The following AQR variants were observed in gnomAD, a reference collection of about 807,000 sequenced individuals.
The protein encoded by AQR is RNA helicase aquarius.
A neutral mutation model predicts 180.5 loss-of-function variants in AQR; 61 were observed. The ratio of observed to expected loss-of-function variants is 0.34; its 90% CI spans 0.28 to 0.42. AQR has a LOEUF of 0.42. Among genes scored for constraint, AQR ranks in the 10% least tolerant of loss-of-function variants. The pLI is 1.00. For missense variants in AQR, 1,281 were observed against 1,798.3 expected (o/e 0.71, Z 5.20); for synonymous variants, 551 against 588.8 (o/e 0.94, Z 0.93).
intron 33 of AQR, among the ~76,000 whole-genome samples, chr15:34,862,136 G>A (rs986202806): frequency 6.6e-6 from 1 of 152,118 alleles, no homozygotes; most frequent in South Asian, 2.1e-4. Flanking sequence ...GGAGATAAGA[G>A]GGAGTAGTAT....
intron 23 of AQR, among the ~76,000 whole-genome samples, chr15:34,891,142 A>C (rs917047149): frequency 6.6e-6 from 1 of 152,122 alleles, no homozygotes; most frequent in Non-Finnish European, 1.5e-5. Flanking sequence ...AAATTCTAGC[A>C]ATCTGAGCTC....
intron 22 of AQR, among the ~76,000 whole-genome samples, chr15:34,894,375 C>G (rs1235006169): frequency 6.6e-6 from 1 of 152,074 alleles, no homozygotes. Context: ...AAAGGAAGAA[C>G]TATCAACCCA....
At chr15:34,918,485 C>T (rs1893630954) in intron 14 of AQR, 107 bp from the exon 15 acceptor site, 1 of 1,327,708 alleles carries the variant, frequency 7.5e-7, no homozygotes, top group Admixed American at 2.5e-5. Flanking sequence ...AGCAGTTCAA[C>T]AAGCGATTTT....
intron 10 of AQR, among the ~76,000 whole-genome samples, chr15:34,933,618 T>C (rs16960096): frequency 0.12 from 18,884 of 152,176 alleles, 1,414 homozygotes; most frequent in East Asian, 0.3. Context: ...TGAGGGGTAT[T>C]AAAGTATGAC....
At chr15:34,887,830 C>T (rs1893085472) in intron 24 of AQR, among the ~76,000 whole-genome samples, 1 of 152,124 alleles carries the variant, frequency 6.6e-6, no homozygotes, top group Admixed American at 6.5e-5. Context: ...ATGATCTATG[C>T]TTGAAGAATT....
At position 34,874,659 on chromosome 15, in the gene AQR, T is replaced by C. The variant is rs1331366227; in HGVS notation, c.3425+18A>G. The C allele has an allele frequency of 2.5e-6, 4 of 1,611,176 alleles. No individual in the cohort carries two copies. Among genetic ancestry groups the C allele is most frequent in the Non-Finnish European group, 3.4e-6 (4 of 1,178,932 alleles). ...AATGTCCTTAAATGGGAATGATTTT[T>C]TTTCCTGTCTCTTTTACCTTGCTCT... On this transcript the variant is annotated intron_variant, in intron 29 of 34. Transcript: ENST00000156471.
intron 20 of AQR, 130 bp downstream of exon 20, chr15:34,900,492 G>T: frequency 9.3e-7 from 1 of 1,079,834 alleles, no homozygotes; most frequent in Non-Finnish European, 1.3e-6. Flanking sequence ...TGATTGTATG[G>T]TGAAGGTAGG....
At chr15:34,887,584 G>A (rs1893082492) in intron 24 of AQR, among the ~76,000 whole-genome samples, 1 of 152,142 alleles carries the variant, frequency 6.6e-6, no homozygotes, top group Admixed American at 6.5e-5. Context: ...GAAAGTAGTG[G>A]AACCAGAATT....
intron 17 of AQR, among the ~76,000 whole-genome samples, chr15:34,907,128 C>T (rs1456534877): frequency 1.3e-5 from 2 of 152,190 alleles, no homozygotes; most frequent in Non-Finnish European, 2.9e-5. Flanking sequence ...CTATCAGTGT[C>T]ATTCCAAAGA....
At chr15:34,950,207 A>G (rs959322307) in intron 4 of AQR, among the ~76,000 whole-genome samples, 1 of 144,594 alleles carries the variant, frequency 6.9e-6, no homozygotes, top group Admixed American at 7.4e-5. Flanking sequence ...CTCCTGCCTC[A>G]GCCTCCTGAG....
chr15:34,906,512 C>A (rs1168850910), intron 18 of AQR, 33 bp downstream of exon 18: 1 of 1,611,098 alleles, frequency 6.2e-7, no homozygotes, highest in South Asian at 1.1e-5. Context: ...TCATTCTATA[C>A]ACATACTCTT....
chr15:34,943,169 G>A, intron 6 of AQR: 2 of 1,610,972 alleles, frequency 1.2e-6, no homozygotes, highest in African/African-American at 1.3e-5. Context: ...AGAAGGGCAA[G>A]GATTCTCTGT....
chr15:34,910,331 G>A lies in AQR; in HGVS notation c.1485-18C>T. 1 of 1,606,540 alleles carries A rather than the reference G, an allele frequency of 6.2e-7. No individual in the cohort carries two copies. Among genetic ancestry groups the A allele is most frequent in the Non-Finnish European group, 8.5e-7 (1 of 1,174,108 alleles). ...CAGATTGCCTGAAACCAAAGAAATG[G>A]ATGATTACTCAAACAAAAAATAATT... On this transcript the variant is annotated intron_variant, in intron 16 of 34. Transcript: ENST00000156471.
At position 34,901,186 on chromosome 15, in the gene AQR, C is replaced by T. The variant is rs186531923; in HGVS notation, c.2002-323G>A. 1.2e-3 allele frequency among the ~76,000 whole-genome samples: 176 copies of T among 152,134 alleles called. 1 individual carries two copies. Among genetic ancestry groups the T allele is most frequent in the South Asian group, 3.7e-3 (18 of 4,820 alleles). On this transcript the variant is annotated intron_variant, in intron 19 of 34. Coordinates refer to ENST00000156471, the MANE Select transcript of AQR (RefSeq NM_014691.3). ...GAAAACCAGACTCAGGTGGACACAG[C>T]AGTAAAAAAAACAATATAGAACAAA...
At chr15:34,906,053 G>T (rs1452879010) in intron 18 of AQR, among the ~76,000 whole-genome samples, 1 of 151,870 alleles carries the variant, frequency 6.6e-6, no homozygotes, top group African/African-American at 2.4e-5. Context: ...AAAAGAAAAA[G>T]ATCCTGTCCT....
At chr15:34,965,680 T>C (rs1179667470) in intron 1 of AQR, among the ~76,000 whole-genome samples, 1 of 151,948 alleles carries the variant, frequency 6.6e-6, no homozygotes, top group Non-Finnish European at 1.5e-5. Context: ...CTAAAATAAA[T>C]AAATAAATAA....
At chr15:34,911,168 CCACATTTT>C (rs1210297721) in intron 16 of AQR, among the ~76,000 whole-genome samples, 1 of 152,162 alleles carries the variant, frequency 6.6e-6, no homozygotes, top group Non-Finnish European at 1.5e-5. Flanking sequence ...TACACACACA[CCACATTTT>C]CACATTTTCT....
At chr15:34,910,986 G>C (rs914714341) in intron 16 of AQR, among the ~76,000 whole-genome samples, 1 of 152,090 alleles carries the variant, frequency 6.6e-6, no homozygotes, top group Non-Finnish European at 1.5e-5. Flanking sequence ...CTGCTTCTAT[G>C]AATTTGCCTT....
intron 28 of AQR, among the ~76,000 whole-genome samples, chr15:34,875,287 C>A (rs1036817744): frequency 2.0e-5 from 3 of 152,044 alleles, no homozygotes; most frequent in Non-Finnish European, 4.4e-5. Flanking sequence ...GTAAAAACTA[C>A]CTTCTTTAAT....
Sources: gnomAD v4.1 joint callset for allele counts (sites outside exome capture counted in the v4.1 genomes callset) on GRCh38, gnomAD v4.1.1 for gene constraint, MANE v1.5 for transcripts, NCBI Gene and HGNC (gene_info 2026-07-23, HGNC 2026-07-21) for gene names.